RGS22: variants seen among roughly 807,000 people sequenced by gnomAD.
The protein encoded by RGS22 is regulator of G-protein signaling 22.
A neutral mutation model predicts 172.9 loss-of-function variants in RGS22; 148 were observed. The observed-to-expected ratio is 0.86, with a 90% confidence interval of 0.75 to 0.98. RGS22 has a LOEUF of 0.98. Among genes scored for constraint, RGS22 ranks in the 50% least tolerant of loss-of-function variants. RGS22 has a pLI of 0.00. For missense variants in RGS22, 1,347 were observed against 1,440.8 expected (o/e 0.93, Z 1.05); for synonymous variants, 458 against 480.2 (o/e 0.95, Z 0.60).
Position 99,967,291 on chromosome 8 carries a change from G to C in RGS22, c.3520-1861C>G, listed in dbSNP as rs540521141. On this transcript the variant is annotated intron_variant, in intron 23 of 27. Transcript: ENST00000360863. ...TGCCCTGGGTTTCAAGCACAAAACT[G>C]GGCAGCTGTTTGGGCAGACACCGAG... Among the ~76,000 whole-genome samples the C allele has an allele frequency of 9.9e-5, 15 of 152,022 alleles. No homozygotes were observed. In the South Asian group the frequency reaches 3.1e-3, roughly 32 times the overall value.
At chr8:99,993,862 C>T (rs1009573770) in intron 20 of RGS22, among the ~76,000 whole-genome samples, 2 of 152,146 alleles carry the variant, frequency 1.3e-5, no homozygotes, top group African/African-American at 2.4e-5. Context: ...TGCGAAAATC[C>T]TCAACAAAAT....
chr8:100,061,738 G>A (rs569698447), intron 9 of RGS22, among the ~76,000 whole-genome samples: 10 of 152,310 alleles, frequency 6.6e-5, no homozygotes, highest in Non-Finnish European at 1.5e-4. Flanking sequence ...AGATAGTGCA[G>A]CAATTCCTCA....
chr8:100,060,403 T>TATATATATATATATATATAA (rs1810022950), intron 9 of RGS22, among the ~76,000 whole-genome samples: 1 of 78,480 alleles, frequency 1.3e-5, no homozygotes, highest in Admixed American at 1.6e-4. Flanking sequence ...TAGCTACGTG[T>TATATATATATATATATATAA]ATATATATAT....
intron 24 of RGS22, 96 bp from the exon 25 acceptor site, chr8:99,963,074 T>G: frequency 1.0e-6 from 1 of 977,054 alleles, no homozygotes; most frequent in Non-Finnish European, 1.5e-6. Flanking sequence ...CATTTAAATT[T>G]TTATTAAAGT....
intron 3 of RGS22, among the ~76,000 whole-genome samples, chr8:100,083,569 T>C (rs891043993): frequency 2.0e-5 from 3 of 152,134 alleles, no homozygotes; most frequent in Non-Finnish European, 4.4e-5. Flanking sequence ...GGTTTCACCA[T>C]GTTGGCCAGG....
chr8:100,028,775 T>C (rs1458725635), intron 14 of RGS22, among the ~76,000 whole-genome samples: 1 of 152,168 alleles, frequency 6.6e-6, no homozygotes, highest in East Asian at 1.9e-4. Flanking sequence ...AATTACAGAA[T>C]TATTGAATAC....
chr8:100,033,426 G>C (rs1347673021), intron 14 of RGS22, among the ~76,000 whole-genome samples: 1 of 151,752 alleles, frequency 6.6e-6, no homozygotes, highest in Non-Finnish European at 1.5e-5. Flanking sequence ...AGAAGAAATG[G>C]ATAAATTCCT....
chr8:100,045,359 C>A (rs3116089), intron 11 of RGS22, among the ~76,000 whole-genome samples: 35,266 of 152,036 alleles, frequency 0.23, 4,755 homozygotes, highest in African/African-American at 0.38. Flanking sequence ...CTGTACTATA[C>A]CCCGGAGCAT....
At chr8:100,065,030 A>G (rs1366268134) in intron 7 of RGS22, among the ~76,000 whole-genome samples, 1 of 152,222 alleles carries the variant, frequency 6.6e-6, no homozygotes, top group African/African-American at 2.4e-5. Context: ...GTCTGACGTT[A>G]GTGCTTTATT....
chr8:100,034,412 T>C (rs1299054211), intron 14 of RGS22, among the ~76,000 whole-genome samples: 1 of 152,116 alleles, frequency 6.6e-6, no homozygotes, highest in African/African-American at 2.4e-5. Flanking sequence ...TTACAAGGGA[T>C]GTGAAGGACC....
intron 7 of RGS22, among the ~76,000 whole-genome samples, chr8:100,065,278 A>AC (rs1264986123): frequency 6.6e-6 from 1 of 152,210 alleles, no homozygotes; most frequent in Non-Finnish European, 1.5e-5. Flanking sequence ...AGGATGTCGC[A>AC]CAGAGCGAGG....
rs566833988 is a variant in RGS22 at position 100,062,436 on chromosome 8, A to G, written c.1514+155T>C. On this transcript the variant is annotated intron_variant, in intron 9 of 27. Coordinates refer to ENST00000360863, the MANE Select transcript of RGS22 (RefSeq NM_015668.5). ...GATTTAAAGTCACCCAAACATCCAAATTATCTAAAGGACAAGTACCTTAAA... is the reference window on the plus strand; with the variant it reads ...GATTTAAAGTCACCCAAACATCCAAGTTATCTAAAGGACAAGTACCTTAAA... Among the ~76,000 whole-genome samples the G allele has an allele frequency of 3.4e-4, 52 of 152,320 alleles. No individual in the cohort carries two copies. In the South Asian group the frequency reaches 0.01, roughly 30 times the overall value.
chr8:100,021,222 C>T (rs1817570449), intron 14 of RGS22, among the ~76,000 whole-genome samples: 1 of 152,174 alleles, frequency 6.6e-6, no homozygotes, highest in African/African-American at 2.4e-5. Context: ...CAATTTATAA[C>T]AGTTTACTTA....
chr8:99,994,712 C>T (rs1424689394), intron 20 of RGS22, among the ~76,000 whole-genome samples: 1 of 152,080 alleles, frequency 6.6e-6, no homozygotes, highest in African/African-American at 2.4e-5. Context: ...AGATTCAATG[C>T]CATCCCCATC....
intron 19 of RGS22, among the ~76,000 whole-genome samples, chr8:99,996,851 T>C (rs79456199): frequency 1.2e-3 from 190 of 152,330 alleles, no homozygotes; most frequent in African/African-American, 3.9e-3. Context: ...AGCTATTTTC[T>C]AGCCATATAC....
At chr8:100,053,209 A>G (rs1399980487) in intron 9 of RGS22, among the ~76,000 whole-genome samples, 1 of 152,158 alleles carries the variant, frequency 6.6e-6, no homozygotes, top group African/African-American at 2.4e-5. Context: ...ATTGGGAAAA[A>G]CATCATAAGT....
intron 21 of RGS22, among the ~76,000 whole-genome samples, chr8:99,986,515 G>A (rs78419505): frequency 0.036 from 5,419 of 152,188 alleles, 317 homozygotes; most frequent in African/African-American, 0.12. Context: ...CTACCTCTGG[G>A]AGCATTTAAG....
chr8:100,075,743 A>G (rs1371844563), intron 4 of RGS22, among the ~76,000 whole-genome samples: 2 of 152,228 alleles, frequency 1.3e-5, no homozygotes, highest in Non-Finnish European at 2.9e-5. Flanking sequence ...GTATATACCT[A>G]GAAGTGGCAT....
Position 100,006,034 on chromosome 8 carries a change from A to G in RGS22, c.2437T>C (p.Phe813Leu). 1.2e-6 allele frequency: 2 copies of G among 1,613,056 alleles called. No individual in the cohort carries two copies. Among genetic ancestry groups the G allele is most frequent in the Non-Finnish European group, 1.7e-6 (2 of 1,179,512 alleles). ...RKLQALHKET[F>L]SKKAEDTTCE... ...TGCCTTACCTCAGCTTTCTTGGAAA[A>G]TGTCTCTTTATGCAAAGCCTGTAGC... The change falls in exon 16 of 28, where the codon TTT (phenylalanine) becomes CTT (leucine). Residue 813 changes from phenylalanine to leucine, a missense_variant. Physicochemically the swap from Phe to Leu is conservative, Grantham distance 22. Transcript: ENST00000360863.
Sources: allele counts gnomAD v4.1 joint callset (sites outside exome capture counted in the v4.1 genomes callset), GRCh38; gene constraint gnomAD v4.1.1; transcripts MANE v1.5; gene names NCBI Gene and HGNC (gene_info 2026-07-23, HGNC 2026-07-21).